RAI14: variants seen among roughly 807,000 people sequenced by gnomAD.
RAI14 encodes ankycorbin.
RAI14 carries 45 observed loss-of-function variants against 115.4 expected under a neutral mutation model. The ratio of observed to expected loss-of-function variants is 0.39; its 90% confidence interval spans 0.31 to 0.50. The LOEUF (loss-of-function observed/expected upper bound fraction) is 0.50, where lower values mean the gene tolerates loss of function less well. RAI14 is among the 20% of genes least tolerant of loss of function. The pLI is 0.85. For missense variants in RAI14, 939 were observed against 1,131.2 expected, an observed-to-expected ratio of 0.83 and a Z score of 2.44; for synonymous variants, 371 against 415.4, an observed-to-expected ratio of 0.89 and a Z score of 1.30.
chr5:34,755,202 A>T (rs1017789091), intron 2 of RAI14, among the ~76,000 whole-genome samples: 3 of 152,084 alleles, frequency 2.0e-5, no homozygotes, highest in Non-Finnish European at 4.4e-5. Flanking sequence ...TACGCTTTCT[A>T]TTCTACTAAC....
intron 2 of RAI14, among the ~76,000 whole-genome samples, chr5:34,730,111 A>G (rs1419519068): frequency 1.3e-5 from 2 of 152,336 alleles, no homozygotes; most frequent in South Asian, 2.1e-4. Flanking sequence ...TCATTGAAGC[A>G]GGATGATGAA....
intron 1 of RAI14, among the ~76,000 whole-genome samples, chr5:34,657,422 G>A (rs1742361194): frequency 6.6e-6 from 1 of 152,194 alleles, no homozygotes; most frequent in Non-Finnish European, 1.5e-5. Context: ...GGCAGATGCA[G>A]CCCAGCACAG....
chr5:34,825,743 CCT>C (rs1328673938), intron 15 of RAI14, among the ~76,000 whole-genome samples: 4 of 151,744 alleles, frequency 2.6e-5, no homozygotes, highest in South Asian at 4.2e-4. Context: ...TCTCTAGTCC[CCT>C]GTCTCGGAGG....
chr5:34,686,417 T>C (rs1579905281), intron 1 of RAI14: 1 of 152,118 alleles, frequency 6.6e-6, no homozygotes, highest in South Asian at 2.1e-4. Flanking sequence ...GAGGAATAGA[T>C]GAAGAGATCT....
Position 34,795,926 on chromosome 5 carries a change from C to CTT in RAI14, c.168-12_168-11dup. ...AGAAATCTCAAGGAGATTGTGTTTA[C>CTT]TTCTCTTTCCAGTTTCCATCTTGCT... On this transcript the variant is annotated splice_polypyrimidine_tract_variant and intron_variant, in intron 3 of 17. Coordinates refer to ENST00000265109, the MANE Select transcript of RAI14 (RefSeq NM_015577.3). 1 of 1,605,416 alleles carries CTT rather than the reference C, an allele frequency of 6.2e-7. No homozygotes were observed. Among genetic ancestry groups the CTT allele is most frequent in the Non-Finnish European group, 8.5e-7 (1 of 1,172,428 alleles).
chr5:34,822,250 G>GTATGTGTATATATATATA (rs1554012471), intron 14 of RAI14, among the ~76,000 whole-genome samples: 3 of 134,738 alleles, frequency 2.2e-5, no homozygotes, highest in African/African-American at 8.4e-5. Context: ...ATGTGTGTAT[G>GTATGTGTATATATATATA]TATATATATA....
At chr5:34,687,563 GA>G in intron 2 of RAI14, 1 of 1,437,434 alleles carries the variant, frequency 7.0e-7, no homozygotes, top group Non-Finnish European at 9.1e-7. Flanking sequence ...AGAAGAGGGA[GA>G]AAAACATAGC....
intron 3 of RAI14, among the ~76,000 whole-genome samples, chr5:34,767,567 G>C (rs1749561850): frequency 6.6e-6 from 1 of 151,568 alleles, no homozygotes; most frequent in Admixed American, 6.6e-5. Context: ...TGCCTTCCAA[G>C]ATGCTGTCGC....
chr5:34,723,099 CAAA>C (rs34763264), intron 2 of RAI14, among the ~76,000 whole-genome samples: 4 of 85,648 alleles, frequency 4.7e-5, no homozygotes, highest in Admixed American at 1.4e-4. Context: ...GACCCTGTCT[CAAA>C]AAAAAAAAAA....
intron 5 of RAI14, among the ~76,000 whole-genome samples, chr5:34,807,360 T>C (rs1755038678): frequency 6.6e-6 from 1 of 152,150 alleles, no homozygotes; most frequent in Admixed American, 6.5e-5. Context: ...CAAGGCCATC[T>C]CCTTGGACTC....
At chr5:34,779,578 AACAG>A (rs1426415577) in intron 3 of RAI14, among the ~76,000 whole-genome samples, 2 of 152,206 alleles carry the variant, frequency 1.3e-5, no homozygotes, top group African/African-American at 4.8e-5. Flanking sequence ...ATATACCAAT[AACAG>A]ACAGAGAGCC....
rs115179696 is a variant in RAI14, at chr5:34,737,048, G to A, written c.37-20420G>A. ...AAGTCCTACTGTGAACTGATCATGT[G>A]AGGGATCTAGGTTGAGTACTCCTTA... On this transcript the variant is annotated intron_variant, in intron 2 of 17. Coordinates refer to ENST00000265109, the MANE Select transcript of RAI14 (RefSeq NM_015577.3). Among the ~76,000 whole-genome samples, 1,385 of 152,292 alleles carry A rather than the reference G, an allele frequency of 9.1e-3. 20 individuals carry two copies. Among genetic ancestry groups the A allele is most frequent in the African/African-American group, 0.032 (1,324 of 41,544 alleles).
chr5:34,781,501 A>G (rs1318495258), intron 3 of RAI14, among the ~76,000 whole-genome samples: 1 of 152,240 alleles, frequency 6.6e-6, no homozygotes, highest in Non-Finnish European at 1.5e-5. Flanking sequence ...GAACTACCTC[A>G]GAGGGCTCAC....
chr5:34,813,754 C>G, intron 11 of RAI14, 94 bp downstream of exon 11: 1 of 967,238 alleles, frequency 1.0e-6, no homozygotes, highest in Non-Finnish European at 1.5e-6. Context: ...TGTTTTAGAA[C>G]TGACCTTTAA....
chr5:34,682,666 T>C (rs1161850752), intron 1 of RAI14, among the ~76,000 whole-genome samples: 4 of 152,204 alleles, frequency 2.6e-5, no homozygotes, highest in Non-Finnish European at 4.4e-5. Context: ...GATGCCATAT[T>C]TCAGGGACTT....
intron 2 of RAI14, among the ~76,000 whole-genome samples, chr5:34,746,881 G>T (rs752781790): frequency 1.3e-5 from 2 of 152,122 alleles, no homozygotes; most frequent in Non-Finnish European, 2.9e-5. Flanking sequence ...AATCATGGGG[G>T]CTGGTCTTTC....
chr5:34,775,645 A>T (rs1359345362), intron 3 of RAI14, among the ~76,000 whole-genome samples: 8 of 152,236 alleles, frequency 5.3e-5, no homozygotes, highest in Admixed American at 4.6e-4. Context: ...AAACAGGTGT[A>T]CGAAAACATG....
chr5:34,797,307 G>T (rs765074680), intron 4 of RAI14, among the ~76,000 whole-genome samples: 27 of 152,044 alleles, frequency 1.8e-4, no homozygotes, highest in Non-Finnish European at 3.2e-4. Flanking sequence ...CATCTTGAGG[G>T]ATCAGCCAGG....
intron 12 of RAI14, among the ~76,000 whole-genome samples, chr5:34,818,288 A>G (rs1460387527): frequency 6.6e-6 from 1 of 152,262 alleles, no homozygotes; most frequent in Non-Finnish European, 1.5e-5. Context: ...ATCTGAGACC[A>G]TATGATATTT....
Sources: allele counts gnomAD v4.1 joint callset (sites outside exome capture counted in the v4.1 genomes callset), GRCh38; gene constraint gnomAD v4.1.1; transcripts MANE v1.5; gene names NCBI Gene and HGNC (gene_info 2026-07-23, HGNC 2026-07-21).